CCDC112: variants seen among roughly 807,000 people sequenced by gnomAD.
CCDC112 encodes the protein coiled-coil domain-containing protein 112.
In CCDC112, 40 loss-of-function variants were observed where a neutral mutation model predicts 66.3. The observed-to-expected ratio is 0.60, with a 90% CI of 0.47 to 0.79. The LOEUF is 0.79. Among genes scored for constraint, CCDC112 ranks in the 30% least tolerant of loss-of-function variants. The probability of loss-of-function intolerance (pLI) is 0.00; values close to 1 mark genes in which losing one functional copy is unlikely to be tolerated. For missense variants in CCDC112, 659 were observed against 603.8 expected (o/e 1.09, Z -0.96); for synonymous variants, 214 against 197.2 (o/e 1.09, Z -0.71).
intron 2 of CCDC112, among the ~76,000 whole-genome samples, chr5:115,284,510 T>G (rs1580805135): frequency 6.6e-6 from 1 of 152,186 alleles, no homozygotes; most frequent in East Asian, 1.9e-4. Flanking sequence ...ATTCGTTATA[T>G]AAAATCTAAA....
At chr5:115,268,030 T>C in intron 9 of CCDC112, 112 bp from the exon 10 acceptor site, 1 of 808,216 alleles carries the variant, frequency 1.2e-6, no homozygotes, top group South Asian at 1.6e-5. Flanking sequence ...CCCTGCATGT[T>C]GTTTGGCTGG....
intron 3 of CCDC112, 158 bp from the exon 4 acceptor site, chr5:115,277,212 T>A (rs1749244192): frequency 3.8e-6 from 2 of 523,120 alleles, no homozygotes; most frequent in Admixed American, 3.4e-5. Context: ...TTTAAGTACC[T>A]TTGTTCTAAA....
chr5:115,279,488 A>G (rs1437448457), intron 3 of CCDC112, among the ~76,000 whole-genome samples, 159 bp downstream of exon 3: 2 of 152,194 alleles, frequency 1.3e-5, no homozygotes, highest in Non-Finnish European at 2.9e-5. Context: ...TAAAAGACAA[A>G]TTTTACCAAC....
chr5:115,271,721 A>C, intron 6 of CCDC112, 95 bp from the exon 7 acceptor site: 1 of 809,274 alleles, frequency 1.2e-6, no homozygotes, highest in Non-Finnish European at 1.8e-6. Context: ...TTCTAGAAAG[A>C]ATATTGATTG....
At chr5:115,292,776 T>C (rs1285252763) in intron 1 of CCDC112, among the ~76,000 whole-genome samples, 38 of 152,344 alleles carry the variant, frequency 2.5e-4, no homozygotes, top group Admixed American at 2.2e-3. Flanking sequence ...CTTAGATGCA[T>C]TGAACCACTA....
chr5:115,295,766 A>G (rs1750125373), intron 1 of CCDC112: 4 of 369,070 alleles, frequency 1.1e-5, no homozygotes, highest in South Asian at 2.2e-4. Flanking sequence ...CAATAGAAAT[A>G]AAGTATGTAA....
chr5:115,277,020 A>G lies in CCDC112; in HGVS notation c.396T>C (p.His132=), dbSNP rs1178379285. 2.5e-6 allele frequency: 4 copies of G among 1,610,192 alleles called. No individual in the cohort carries two copies. Among genetic ancestry groups the G allele is most frequent in the East Asian group, 4.5e-5 (2 of 44,676 alleles). ...GATGCTGAAGTTTCTTTACATTATTATGTATTTTGGCCAATTGTTGCTGGA... is the reference window on the plus strand; with the variant it reads ...GATGCTGAAGTTTCTTTACATTATTGTGTATTTTGGCCAATTGTTGCTGGA... The part of the protein sequence containing the change: ...AKIQQQLAKI[H]NNVKKLQHQL... Residue 132 remains histidine, a synonymous_variant, in exon 4 of 10, where the codon CAT becomes CAC. Coordinates refer to ENST00000379611, the MANE Select transcript of CCDC112 (RefSeq NM_001040440.3).
rs763008944 is a variant in CCDC112, at chr5:115,268,919, G to C, written c.1510C>G (p.Pro504Ala). 6.2e-7 allele frequency: 1 copy of C among 1,606,216 alleles called. No individual in the cohort carries two copies. The highest frequency in any genetic ancestry group is 8.5e-7 in the Non-Finnish European group (1 of 1,176,490). The change falls in exon 9 of 10, where the codon CCA becomes GCA. Residue 504 changes from proline to alanine, a missense_variant. By Grantham distance (27) the Pro-to-Ala change is conservative (BLOSUM62 -1). Transcript: ENST00000379611. ...GWEERTKKIGPTGSGPLLHIP... is the reference protein window; with the variant it reads ...GWEERTKKIGATGSGPLLHIP... ...TGTAGAAGTGGCCCAGAGCCTGTTG[G>C]TCCTATCTTTTTGGTTCGTTCTTCC...
chr5:115,267,617 GAAT>G lies in CCDC112; in HGVS notation c.*256_*258del, dbSNP rs1481740255. The G allele has an allele frequency of 1.1e-5, 4 of 363,382 alleles. No individual in the cohort carries two copies. The highest frequency in any genetic ancestry group is 6.4e-5 in the African/African-American group (3 of 46,918). 22.5% of individuals were successfully genotyped at this position (363,382 alleles called of 1,614,324 possible). A position where few individuals can be genotyped will look rare whatever the true frequency, so the allele number is the denominator to read the frequency against. ...TTGAAATGTTTTCAGTATTTAAATT[GAAT>G]AATGTTTCTAACATTAACTTATTTA... On this transcript the variant is annotated 3_prime_UTR_variant, in exon 10 of 10. Coordinates refer to ENST00000379611, the MANE Select transcript of CCDC112 (RefSeq NM_001040440.3).
intron 5 of CCDC112, among the ~76,000 whole-genome samples, 172 bp downstream of exon 5, chr5:115,275,822 C>T (rs1749184520): frequency 6.6e-6 from 1 of 151,926 alleles, no homozygotes; most frequent in Admixed American, 6.6e-5. Flanking sequence ...AATAAAATTT[C>T]GCTTTAAATA....
intron 1 of CCDC112, among the ~76,000 whole-genome samples, chr5:115,293,603 A>C (rs1001820196): frequency 2.6e-5 from 4 of 152,034 alleles, no homozygotes; most frequent in Non-Finnish European, 5.9e-5. Context: ...ACATCACTCC[A>C]TCCTCTTCCT....
chr5:115,283,411 C>G (rs1749538175), intron 2 of CCDC112, among the ~76,000 whole-genome samples: 1 of 152,038 alleles, frequency 6.6e-6, no homozygotes, highest in South Asian at 2.1e-4. Flanking sequence ...GCTTATTTCA[C>G]TTAACATAAT....
rs867834923 is a variant in CCDC112, at chr5:115,279,677, T to G, written c.331A>C (p.Asn111His). ...GTTTTCCTGCTGTGAATCAATTTAT[T>G]TTCCAATTCTTCTAGCATACTATGC... ...IEHSMLEELE[N>H]KLIHSRKTER... The change falls in exon 3 of 10, where the codon AAT becomes CAT. Residue 111 changes from asparagine to histidine, a missense_variant. Coordinates refer to ENST00000379611, the MANE Select transcript of CCDC112 (RefSeq NM_001040440.3). 6.2e-6 allele frequency: 10 copies of G among 1,611,876 alleles called. No homozygotes were observed. In the Admixed American group the frequency reaches 8.3e-5, roughly 13 times the overall value.
At position 115,289,173 on chromosome 5, in the gene CCDC112, C is replaced by T. The variant is rs114749532; in HGVS notation, c.118-4265G>A. On this transcript the variant is annotated intron_variant, in intron 1 of 9. Coordinates refer to ENST00000379611, the MANE Select transcript of CCDC112 (RefSeq NM_001040440.3). ...TTTCCTTTTGTTCTCCTTTTCCCTT[C>T]GGTTTGCACTTTGTGTCTGAAGATT... is the stretch of plus-strand genomic sequence containing the variant. 772 of 201,942 alleles carry T rather than the reference C, an allele frequency of 3.8e-3. 8 individuals are homozygous for T. The highest frequency in any genetic ancestry group is 0.017 in the African/African-American group (695 of 41,898). 12.5% of individuals were successfully genotyped at this position (201,942 alleles called of 1,614,324 possible).
At chr5:115,290,023 A>G (rs1238602712) in intron 1 of CCDC112, among the ~76,000 whole-genome samples, 4 of 152,220 alleles carry the variant, frequency 2.6e-5, no homozygotes, top group African/African-American at 9.6e-5. Flanking sequence ...AATCCAAAGT[A>G]TCTATTTAGT....
At chr5:115,290,121 A>C (rs2127074578) in intron 1 of CCDC112, among the ~76,000 whole-genome samples, 1 of 152,294 alleles carries the variant, frequency 6.6e-6, no homozygotes, top group East Asian at 1.9e-4. Context: ...TTTTATTCTA[A>C]GTTTTTTAGA....
intron 6 of CCDC112, among the ~76,000 whole-genome samples, chr5:115,272,540 G>A (rs528486271): frequency 2.4e-4 from 36 of 152,270 alleles, no homozygotes; most frequent in Admixed American, 1.1e-3. Context: ...ATGAGTTAGC[G>A]TCTGGCACAT....
chr5:115,294,341 T>A (rs147314097), intron 1 of CCDC112, among the ~76,000 whole-genome samples: 1 of 152,146 alleles, frequency 6.6e-6, no homozygotes, highest in Non-Finnish European at 1.5e-5. Context: ...GGGACCTAAT[T>A]TGATAGAACT....
intron 9 of CCDC112, 97 bp downstream of exon 9, chr5:115,268,785 A>G (rs1279507064): frequency 2.3e-6 from 1 of 432,320 alleles, no homozygotes; most frequent in Non-Finnish European, 4.0e-6. Flanking sequence ...ATTTTCATAT[A>G]TATATGAAAA....
Sources: allele counts gnomAD v4.1 joint callset (sites outside exome capture counted in the v4.1 genomes callset), GRCh38; gene constraint gnomAD v4.1.1; transcripts MANE v1.5; gene names NCBI Gene and HGNC (gene_info 2026-07-23, HGNC 2026-07-21).